Variants in RDH16 observed in about 807,000 individuals in gnomAD.
The protein encoded by RDH16 is retinol dehydrogenase 16.
RDH16 carries 25 observed loss-of-function variants against 22.3 expected under a neutral mutation model. That is an observed-to-expected ratio of 1.12 (90% CI 0.82 to 1.56). RDH16 has a LOEUF of 1.56. Ranked by LOEUF, RDH16 falls within the 40% of genes most tolerant of loss-of-function variation. The pLI is 0.00. For synonymous variants in RDH16, 154 were observed against 164.4 expected (o/e 0.94, Z 0.48); for missense variants, 413 against 394.9 (o/e 1.05, Z -0.39).
intron 2 of RDH16, among the ~76,000 whole-genome samples, chr12:56,953,667 C>G (rs1401726440): frequency 6.6e-6 from 1 of 152,186 alleles, no homozygotes; most frequent in Admixed American, 6.5e-5. Context: ...GTGGCTAATG[C>G]TCACTCTGGG....
chr12:56,952,908 A>G lies in RDH16; in HGVS notation c.655T>C (p.Phe219Leu). 1 of 1,614,032 alleles carries G rather than the reference A, an allele frequency of 6.2e-7. No homozygotes were observed. The highest frequency in any genetic ancestry group is 8.5e-7 in the Non-Finnish European group (1 of 1,179,992). The part of the protein sequence containing the change: ...FKTAVTSKER[F>L]LKSFLEIWDR... The stretch of plus-strand genomic sequence containing the variant: ...CAAATCTCCAGGAAGCTCTTTAAGA[A>G]TCTCTCCTTACTGGTCACAGCAGTC... The change falls in exon 3 of 4, where the codon TTC becomes CTC. Residue 219 changes from phenylalanine (F) to leucine (L), a missense_variant. Physicochemically the swap from Phe to Leu is conservative, Grantham distance 22. Coordinates refer to ENST00000398138, the MANE Select transcript of RDH16 (RefSeq NM_003708.5).
In RDH16 at chr12:56,951,945, C is replaced by T. The variant is rs1955882916; in HGVS notation, c.*84G>A. 2 of 1,242,762 alleles carry T rather than the reference C, an allele frequency of 1.6e-6. No individual in the cohort carries two copies. The highest frequency in any genetic ancestry group is 3.8e-5 in the Admixed American group (2 of 53,038). 77.0% of individuals were successfully genotyped at this position (1,242,762 alleles called of 1,614,324 possible). On this transcript the variant is annotated 3_prime_UTR_variant, in exon 4 of 4. Coordinates refer to ENST00000398138, the MANE Select transcript of RDH16 (RefSeq NM_003708.5). ...TGCCCTACTGACCGGACGGCTCCCT[C>T]CCTCCACTTTATATCTCTCCCAAGG... is the stretch of plus-strand genomic sequence containing the variant.
Position 56,954,987 on chromosome 12 carries a change from C to T in RDH16, c.491G>A (p.Ser164Asn). 6.2e-7 allele frequency: 1 copy of T among 1,614,212 alleles called. No homozygotes were observed. The highest frequency in any genetic ancestry group is 1.1e-5 in the South Asian group (1 of 91,088). ...RARGRVVNVS[S>N]VMGRVSLFGG... is the part of the protein sequence containing the mutation. ...AAAAAGTGACACCCGGCCCATGACA[C>T]TGGAGACGTTGACCACACGGCCCCT... Residue 164 changes from serine (S) to asparagine (N), a missense_variant, in exon 2 of 4, where the codon AGT (serine) becomes AAT (asparagine). Transcript: ENST00000398138.
chr12:56,955,830 C>A (rs750636252), intron 1 of RDH16, among the ~76,000 whole-genome samples: 3 of 152,148 alleles, frequency 2.0e-5, no homozygotes, highest in Non-Finnish European at 4.4e-5. Context: ...CCACTCAGTA[C>A]ACAGACTCCA....
chr12:56,952,339 T>C (rs977789284), intron 3 of RDH16, 93 bp from the exon 4 acceptor site: 18 of 1,183,298 alleles, frequency 1.5e-5, no homozygotes, highest in Non-Finnish European at 2.2e-5. Flanking sequence ...TAAGAACTCA[T>C]GCCACCCCAC....
chr12:56,957,363 T>C lies in RDH16; in HGVS notation c.100A>G (p.Ile34Val). 7 of 1,614,174 alleles carry C rather than the reference T, an allele frequency of 4.3e-6. No individual in the cohort carries two copies. The highest frequency in any genetic ancestry group is 1.1e-5 in the South Asian group (1 of 91,078). The change falls in exon 1 of 4, where the codon ATC (isoleucine) becomes GTC (valine). Residue 34 changes from isoleucine (I) to valine (V), a missense_variant. Physicochemically the swap from Ile to Val is conservative, Grantham distance 29. Coordinates refer to ENST00000398138, the MANE Select transcript of RDH16 (RefSeq NM_003708.5). Reference protein sequence around the residue: ...LSHLRDKYVFITGCDSGFGKL... With the variant: ...LSHLRDKYVFVTGCDSGFGKL... Reference sequence around the variant, plus strand: ...CCGAAGCCAGAGTCACAGCCCGTGATGAACACATACTTATCTCTCAGGTGG... The same window carrying C: ...CCGAAGCCAGAGTCACAGCCCGTGACGAACACATACTTATCTCTCAGGTGG...
At position 56,957,519 on chromosome 12, in the gene RDH16, G is replaced by A. The variant is rs1955941859; in HGVS notation, c.-57C>T. ...TGGGGGAAACCAGAGTCTGGCCTCTGTTCAGACAGGAGGATTTAAGAACAC... is the reference window on the plus strand; with the variant it reads ...TGGGGGAAACCAGAGTCTGGCCTCTATTCAGACAGGAGGATTTAAGAACAC... On this transcript the variant is annotated 5_prime_UTR_variant, in exon 1 of 4. Transcript: ENST00000398138. 9.1e-6 allele frequency: 14 copies of A among 1,535,962 alleles called. No homozygotes were observed. The highest frequency in any genetic ancestry group is 1.2e-5 in the Non-Finnish European group (14 of 1,133,760).
Position 56,957,181 on chromosome 12 carries a change from G to C in RDH16, c.282C>G (p.Ala94=). The C allele has an allele frequency of 6.2e-7, 1 of 1,613,236 alleles. No homozygotes were observed. The highest frequency in any genetic ancestry group is 1.1e-5 in the South Asian group (1 of 91,022). ...CTCTCACGCACTCCTTCACCCACTG[G>C]GCGGCTGCAGCAACGCTCTCTGTCT... ...VTKTESVAAA[A]QWVKECVRDK... is the part of the protein sequence containing the mutation. The change falls in exon 1 of 4, where the codon GCC becomes GCG. Residue 94 remains alanine (A), a synonymous_variant. Transcript: ENST00000398138.
At position 56,952,094 on chromosome 12, in the gene RDH16, T is replaced by C; in HGVS notation, c.889A>G (p.Met297Val). Residue 297 changes from methionine (M) to valine (V), a missense_variant, in exon 4 of 4, where the codon ATG becomes GTG. By Grantham distance (21) the Met-to-Val change is conservative. Transcript: ENST00000398138. ...AKLLYLPMSY[M>V]PTFLVDAIMY... ...ATGGCATCCACCAGGAAGGTGGGCA[T>C]GTAGCTCATGGGGAGGTAGAGAAGC... The C allele has an allele frequency of 1.2e-6, 2 of 1,614,150 alleles. No individual in the cohort carries two copies. The highest frequency in any genetic ancestry group is 1.7e-6 in the Non-Finnish European group (2 of 1,180,010).
intron 1 of RDH16, among the ~76,000 whole-genome samples, chr12:56,956,149 A>G (rs1051663368): frequency 2.6e-5 from 4 of 152,148 alleles, no homozygotes; most frequent in African/African-American, 9.7e-5. Context: ...CTCCACCCAG[A>G]CATCTCATTT....
Position 56,957,516 on chromosome 12 carries a change from TCTGTTCAGA to T in RDH16, c.-63_-55del, listed in dbSNP as rs554750319. 378 of 1,550,976 alleles carry T rather than the reference TCTGTTCAGA, an allele frequency of 2.4e-4. 3 individuals carry two copies. In the East Asian group the frequency reaches 6.6e-3, roughly 27 times the overall value. The stretch of plus-strand genomic sequence containing the variant: ...CTGTGGGGGAAACCAGAGTCTGGCC[TCTGTTCAGA>T]CAGGAGGATTTAAGAACACAGAGGG... On this transcript the variant is annotated 5_prime_UTR_variant, in exon 1 of 4. Transcript: ENST00000398138.
chr12:56,955,421 C>T (rs1955919479), intron 1 of RDH16, among the ~76,000 whole-genome samples: 2 of 152,152 alleles, frequency 1.3e-5, no homozygotes, highest in South Asian at 2.1e-4. Flanking sequence ...GCTATTACCC[C>T]TATTTAAGGA....
chr12:56,954,641 A>C (rs1955910243), intron 2 of RDH16, among the ~76,000 whole-genome samples: 1 of 152,164 alleles, frequency 6.6e-6, no homozygotes, highest in South Asian at 2.1e-4. Context: ...GCAGTTTCTG[A>C]CCAAGAGATC....
chr12:56,954,053 T>C (rs1266984258), intron 2 of RDH16, among the ~76,000 whole-genome samples: 1 of 152,148 alleles, frequency 6.6e-6, no homozygotes. Flanking sequence ...AAAGACCATC[T>C]CCTGCATGCT....
At chr12:56,954,811 A>T (rs1300985051) in intron 2 of RDH16, 95 bp downstream of exon 2, 3 of 1,326,106 alleles carry the variant, frequency 2.3e-6, no homozygotes, top group Non-Finnish European at 3.2e-6. Flanking sequence ...CATGAAAGGA[A>T]CTTACAGGCT....
At chr12:56,955,949 AG>A (rs1955924906) in intron 1 of RDH16, among the ~76,000 whole-genome samples, 1 of 152,158 alleles carries the variant, frequency 6.6e-6, no homozygotes, top group South Asian at 2.1e-4. Flanking sequence ...TCTCTCTGGA[AG>A]ATGCAAATAC....
chr12:56,952,553 A>G lies in RDH16; in HGVS notation c.736+274T>C, dbSNP rs150258726. Among the ~76,000 whole-genome samples the G allele has an allele frequency of 4.5e-4, 68 of 152,316 alleles. 1 individual carries two copies. The highest frequency in any genetic ancestry group is 1.2e-3 in the South Asian group (6 of 4,828). On this transcript the variant is annotated intron_variant, in intron 3 of 3. Transcript: ENST00000398138. ...CTGTCTCTAATGCCAGCTTGTGATC[A>G]GCCACCAATGTCTTCCCTTTCTGGC... is the stretch of plus-strand genomic sequence containing the variant.
rs749331268 is a variant in RDH16 at position 56,952,023 on chromosome 12, T to C, written c.*6A>G. On this transcript the variant is annotated 3_prime_UTR_variant, in exon 4 of 4. Transcript: ENST00000398138. ...AATCCATGCAACCATGCATCCAACCTTAGCTTCATAGAGCCTTGGCCGGGC... is the reference window on the plus strand; with the variant it reads ...AATCCATGCAACCATGCATCCAACCCTAGCTTCATAGAGCCTTGGCCGGGC... 5.6e-6 allele frequency: 9 copies of C among 1,613,078 alleles called. No individual in the cohort carries two copies. The highest frequency in any genetic ancestry group is 1.7e-5 in the Admixed American group (1 of 60,004).
intron 1 of RDH16, 96 bp downstream of exon 1, chr12:56,957,054 A>C: frequency 8.1e-7 from 1 of 1,241,472 alleles, no homozygotes; most frequent in East Asian, 2.3e-5. Flanking sequence ...TTCAACCTGG[A>C]AAGACACTGT....
Sources: gnomAD v4.1 joint callset for allele counts (sites outside exome capture counted in the v4.1 genomes callset) on GRCh38, gnomAD v4.1.1 for gene constraint, MANE v1.5 for transcripts, NCBI Gene and HGNC (gene_info 2026-07-23, HGNC 2026-07-21) for gene names.